Variants in ROBO2 observed in about 807,000 individuals in gnomAD.
The protein encoded by ROBO2 is roundabout guidance receptor 2.
Under a neutral mutation model 160.8 loss-of-function variants are expected in ROBO2, and 53 were observed. The ratio of observed to expected loss-of-function variants is 0.33; its 90% CI spans 0.26 to 0.41. ROBO2 has a LOEUF of 0.41. ROBO2 is among the 10% of genes least tolerant of loss of function. The pLI is 1.00. For missense variants in ROBO2, 1,577 were observed against 1,722.4 expected, an observed-to-expected ratio of 0.92 and a Z score of 1.49; for synonymous variants, 664 against 611.7, an observed-to-expected ratio of 1.09 and a Z score of -1.26.
At chr3:76,496,700 G>A (rs770391771) in intron 2 of ROBO2, among the ~76,000 whole-genome samples, 4 of 152,214 alleles carry the variant, frequency 2.6e-5, no homozygotes, top group East Asian at 1.9e-4. Flanking sequence ...TCATCCAACC[G>A]CTAAAGTCCA....
intron 2 of ROBO2, among the ~76,000 whole-genome samples, chr3:76,732,639 C>T (rs949282894): frequency 6.6e-6 from 1 of 152,008 alleles, no homozygotes; most frequent in Non-Finnish European, 1.5e-5. Context: ...GGCACTTACT[C>T]TTTGATGGTT....
At chr3:76,552,838 G>A (rs1419203829) in intron 2 of ROBO2, among the ~76,000 whole-genome samples, 1 of 152,224 alleles carries the variant, frequency 6.6e-6, no homozygotes, top group African/African-American at 2.4e-5. Context: ...TAAGAGTTTA[G>A]TAATGGGAGT....
At chr3:76,734,713 A>G (rs2093683337) in intron 2 of ROBO2, among the ~76,000 whole-genome samples, 1 of 152,170 alleles carries the variant, frequency 6.6e-6, no homozygotes, top group Non-Finnish European at 1.5e-5. Context: ...AATAACTAAA[A>G]TTGCCATTAA....
At chr3:76,007,802 A>C (rs559846401) in intron 2 of ROBO2, among the ~76,000 whole-genome samples, 2 of 152,214 alleles carry the variant, frequency 1.3e-5, no homozygotes, top group East Asian at 1.9e-4. Flanking sequence ...TTTGTAAAAA[A>C]ACTACTCTTA....
At chr3:76,683,050 C>G (rs963594206) in intron 2 of ROBO2, among the ~76,000 whole-genome samples, 1 of 152,038 alleles carries the variant, frequency 6.6e-6, no homozygotes, top group African/African-American at 2.4e-5. Flanking sequence ...TTACAGAACC[C>G]CTACATCGTC....
At chr3:77,613,203 A>T (rs1044208059) in intron 21 of ROBO2, among the ~76,000 whole-genome samples, 2 of 151,924 alleles carry the variant, frequency 1.3e-5, no homozygotes, top group Non-Finnish European at 2.9e-5. Context: ...TATTTCTTCT[A>T]ATATATTCTC....
At chr3:77,578,701 A>G (rs2093832534) in intron 15 of ROBO2, among the ~76,000 whole-genome samples, 1 of 152,064 alleles carries the variant, frequency 6.6e-6, no homozygotes, top group African/African-American at 2.4e-5. Flanking sequence ...CAATACAATA[A>G]TTATATAGAT....
chr3:76,803,500 G>A (rs905183544), intron 2 of ROBO2, among the ~76,000 whole-genome samples: 12 of 150,904 alleles, frequency 8.0e-5, no homozygotes, highest in African/African-American at 2.9e-4. Context: ...AGAGAGGAAG[G>A]GAGGAGGGGA....
intron 2 of ROBO2, among the ~76,000 whole-genome samples, chr3:76,356,433 C>A (rs1344279719): frequency 1.3e-5 from 2 of 151,278 alleles, no homozygotes; most frequent in African/African-American, 4.8e-5. Context: ...GTAATGAATT[C>A]AACTATAAAT....
At chr3:76,323,207 G>A (rs1239552429) in intron 2 of ROBO2, among the ~76,000 whole-genome samples, 1 of 150,158 alleles carries the variant, frequency 6.7e-6, no homozygotes, top group Non-Finnish European at 1.5e-5. Flanking sequence ...GATTCATGGA[G>A]CATTTCTTGT....
intron 2 of ROBO2, among the ~76,000 whole-genome samples, chr3:77,352,504 G>A (rs549873757): frequency 1.2e-3 from 188 of 152,186 alleles, no homozygotes; most frequent in African/African-American, 4.4e-3. Context: ...ATGACATCCT[G>A]ATGGGAGAAT....
At chr3:77,145,815 A>G (rs917846843) in intron 2 of ROBO2, among the ~76,000 whole-genome samples, 3 of 152,148 alleles carry the variant, frequency 2.0e-5, no homozygotes, top group South Asian at 2.1e-4. Flanking sequence ...CATGTTAACA[A>G]TCTAACAGCA....
chr3:76,551,195 C>T (rs114251795), intron 2 of ROBO2, among the ~76,000 whole-genome samples: 2 of 152,106 alleles, frequency 1.3e-5, no homozygotes, highest in African/African-American at 4.8e-5. Flanking sequence ...CAGACTCACA[C>T]AGAAGTTGGG....
At chr3:77,228,508 T>A (rs556306967) in intron 2 of ROBO2, among the ~76,000 whole-genome samples, 1 of 152,192 alleles carries the variant, frequency 6.6e-6, no homozygotes, top group Non-Finnish European at 1.5e-5. Context: ...CTTGTAAATT[T>A]GTTTCAGTTC....
At chr3:76,390,725 C>G (rs1307492618) in intron 2 of ROBO2, among the ~76,000 whole-genome samples, 1 of 152,146 alleles carries the variant, frequency 6.6e-6, no homozygotes, top group Non-Finnish European at 1.5e-5. Flanking sequence ...TGTCTTCCCT[C>G]CTTTCTAAAT....
chr3:75,980,688 C>A (rs941611539), intron 2 of ROBO2, among the ~76,000 whole-genome samples: 11 of 151,464 alleles, frequency 7.3e-5, no homozygotes, highest in Non-Finnish European at 1.6e-4. Flanking sequence ...CATTGCTACT[C>A]ACTTAAATCT....
intron 2 of ROBO2, among the ~76,000 whole-genome samples, chr3:76,228,945 A>C (rs1384066382): frequency 6.6e-6 from 1 of 152,160 alleles, no homozygotes; most frequent in Non-Finnish European, 1.5e-5. Context: ...CTAGGAGTTC[A>C]AGGCTGTAGT....
chr3:76,540,552 C>T (rs2082759144), intron 2 of ROBO2, among the ~76,000 whole-genome samples: 1 of 152,130 alleles, frequency 6.6e-6, no homozygotes, highest in Admixed American at 6.5e-5. Context: ...AACTTACTAT[C>T]CAGAGACTGA....
chr3:76,837,654 CGTT>C (rs562411640), intron 2 of ROBO2, among the ~76,000 whole-genome samples: 131 of 151,724 alleles, frequency 8.6e-4, no homozygotes, highest in African/African-American at 3.1e-3. Flanking sequence ...TTATTAATAT[CGTT>C]GTTGTTGTTG....
Sources: allele counts gnomAD v4.1 joint callset (sites outside exome capture counted in the v4.1 genomes callset), GRCh38; gene constraint gnomAD v4.1.1; transcripts MANE v1.5; gene names NCBI Gene and HGNC (gene_info 2026-07-23, HGNC 2026-07-21).